TBC1D5: variants seen among roughly 807,000 people sequenced by gnomAD.
TBC1D5 encodes the protein TBC1 domain family member 5.
A neutral mutation model predicts 100.3 loss-of-function variants in TBC1D5; 75 were observed. The observed-to-expected ratio is 0.75, with a 90% CI of 0.62 to 0.91. The LOEUF (loss-of-function observed/expected upper bound fraction) is 0.91. Among genes scored for constraint, TBC1D5 ranks in the 40% least tolerant of loss-of-function variants. TBC1D5 has a pLI of 0.00. For synonymous variants in TBC1D5, 323 were observed against 325.6 expected, an observed-to-expected ratio of 0.99 and a Z score of 0.09; for missense variants, 910 against 942.4, an observed-to-expected ratio of 0.97 and a Z score of 0.45.
intron 1 of TBC1D5, among the ~76,000 whole-genome samples, chr3:17,691,826 CAAA>C (rs1273079675): frequency 3.4e-5 from 2 of 58,548 alleles, no homozygotes. Flanking sequence ...TCCGTCTCAA[CAAA>C]AAAAAAAAAA....
intron 3 of TBC1D5, among the ~76,000 whole-genome samples, chr3:17,496,460 A>G (rs939085915): frequency 6.6e-6 from 1 of 151,438 alleles, no homozygotes; most frequent in Admixed American, 6.8e-5. Context: ...ACACACACAC[A>G]CGCACACACA....
intron 3 of TBC1D5, among the ~76,000 whole-genome samples, chr3:17,494,401 G>C (rs1305137102): frequency 2.0e-5 from 3 of 152,234 alleles, no homozygotes. Flanking sequence ...CACGGAATCA[G>C]GAACCTGCTT....
intron 2 of TBC1D5, among the ~76,000 whole-genome samples, chr3:17,559,729 A>G (rs2096545891): frequency 6.6e-6 from 1 of 151,806 alleles, no homozygotes; most frequent in African/African-American, 2.4e-5. Context: ...AGCTGGGATT[A>G]CAGGCGCCCA....
intron 2 of TBC1D5, among the ~76,000 whole-genome samples, chr3:17,517,409 T>C (rs1486963303): frequency 6.6e-6 from 1 of 152,184 alleles, no homozygotes; most frequent in African/African-American, 2.4e-5. Context: ...CTTCAGGAAA[T>C]TTCTGAGAAG....
intron 15 of TBC1D5, among the ~76,000 whole-genome samples, chr3:17,278,149 T>C (rs143530295): frequency 6.6e-6 from 1 of 152,326 alleles, no homozygotes; most frequent in African/African-American, 2.4e-5. Flanking sequence ...GGGAGAACTC[T>C]GTCATCATAA....
chr3:17,429,845 C>T (rs1166654997), intron 3 of TBC1D5, among the ~76,000 whole-genome samples: 1 of 151,708 alleles, frequency 6.6e-6, no homozygotes, highest in African/African-American at 2.4e-5. Flanking sequence ...TGCCAGTGTT[C>T]AGGAGAAGTG....
intron 15 of TBC1D5, among the ~76,000 whole-genome samples, chr3:17,276,489 G>C (rs1231426562): frequency 2.1e-4 from 32 of 152,296 alleles, no homozygotes; most frequent in Admixed American, 1.8e-3. Flanking sequence ...AAAGAGACAA[G>C]AGACATGCCG....
At chr3:17,513,584 TA>T (rs2095941958) in intron 2 of TBC1D5, among the ~76,000 whole-genome samples, 2 of 152,202 alleles carry the variant, frequency 1.3e-5, no homozygotes, top group Non-Finnish European at 2.9e-5. Context: ...TGTGTCATTC[TA>T]AAAACATTCA....
intron 3 of TBC1D5, among the ~76,000 whole-genome samples, chr3:17,434,510 C>T (rs1327107628): frequency 4.6e-5 from 7 of 152,318 alleles, no homozygotes; most frequent in East Asian, 1.9e-4. Flanking sequence ...ATCCAGGGCA[C>T]GGCCCAACCA....
chr3:17,586,108 A>C (rs1560216435), intron 2 of TBC1D5, among the ~76,000 whole-genome samples: 1 of 152,174 alleles, frequency 6.6e-6, no homozygotes. Context: ...AACAATGGAC[A>C]AAGGGGAAAG....
chr3:17,322,406 T>C (rs2085531505), intron 13 of TBC1D5, among the ~76,000 whole-genome samples: 1 of 152,202 alleles, frequency 6.6e-6, no homozygotes, highest in Admixed American at 6.5e-5. Flanking sequence ...AATAACTGGG[T>C]ATATCTCTAC....
At chr3:17,630,657 T>C (rs1266328506) in intron 1 of TBC1D5, among the ~76,000 whole-genome samples, 1 of 152,154 alleles carries the variant, frequency 6.6e-6, no homozygotes, top group Non-Finnish European at 1.5e-5. Context: ...CAACGGCCTC[T>C]TAGTGTTCAA....
At chr3:17,266,292 C>T (rs2078840439) in intron 15 of TBC1D5, among the ~76,000 whole-genome samples, 1 of 152,138 alleles carries the variant, frequency 6.6e-6, no homozygotes, top group Admixed American at 6.6e-5. Context: ...ATCCCACATG[C>T]TCTCAAAATT....
chr3:17,176,130 T>C (rs2067698156), intron 19 of TBC1D5, among the ~76,000 whole-genome samples: 1 of 152,198 alleles, frequency 6.6e-6, no homozygotes, highest in Non-Finnish European at 1.5e-5. Context: ...GTTCTGCTAT[T>C]ACCTAGCTGT....
intron 1 of TBC1D5, among the ~76,000 whole-genome samples, chr3:17,722,246 C>A (rs1005094592): frequency 1.3e-5 from 2 of 152,138 alleles, no homozygotes; most frequent in African/African-American, 4.8e-5. Context: ...TTCTATTTTA[C>A]TCAGCACAAG....
intron 1 of TBC1D5, among the ~76,000 whole-genome samples, chr3:17,711,352 A>T (rs2153934749): frequency 6.6e-6 from 1 of 152,340 alleles, no homozygotes; most frequent in East Asian, 1.9e-4. Context: ...CAGATATGTT[A>T]CAAAGCATAA....
intron 16 of TBC1D5, among the ~76,000 whole-genome samples, chr3:17,241,785 T>C (rs2076325768): frequency 6.6e-6 from 1 of 152,158 alleles, no homozygotes; most frequent in South Asian, 2.1e-4. Flanking sequence ...TCTCAATTTC[T>C]GTGTTGTGTT....
At chr3:17,548,315 AAAACAAAC>A (rs751174263) in intron 2 of TBC1D5, among the ~76,000 whole-genome samples, 1 of 152,166 alleles carries the variant, frequency 6.6e-6, no homozygotes, top group Non-Finnish European at 1.5e-5. Context: ...CTCGGTCTCA[AAAACAAAC>A]AAACAAACAA....
chr3:17,417,732 G>A (rs924583065), intron 4 of TBC1D5, among the ~76,000 whole-genome samples: 3 of 152,168 alleles, frequency 2.0e-5, no homozygotes, highest in South Asian at 2.1e-4. Context: ...GGGTCAAATG[G>A]TATTTCTAGT....
Sources: allele counts gnomAD v4.1 joint callset (sites outside exome capture counted in the v4.1 genomes callset), GRCh38; gene constraint gnomAD v4.1.1; transcripts MANE v1.5; gene names NCBI Gene and HGNC (gene_info 2026-07-23, HGNC 2026-07-21).